The following MTRR variants were observed in gnomAD, a reference collection of about 807,000 sequenced individuals.
MTRR encodes methionine synthase reductase.
In MTRR, 63 loss-of-function variants were observed where a neutral mutation model predicts 79.2. That is an observed-to-expected ratio of 0.80 (90% confidence interval 0.65 to 0.98). The LOEUF (loss-of-function observed/expected upper bound fraction) is 0.98, where lower values mean the gene tolerates loss of function less well. Among genes scored for constraint, MTRR ranks in the 50% least tolerant of loss-of-function variants. MTRR has a pLI of 0.00. For synonymous variants in MTRR, 355 were observed against 313.3 expected, an observed-to-expected ratio of 1.13 and a Z score of -1.41; for missense variants, 895 against 839.6, an observed-to-expected ratio of 1.07 and a Z score of -0.82.
intron 11 of MTRR, among the ~76,000 whole-genome samples, chr5:7,894,710 C>G (rs1054277562): frequency 2.0e-5 from 3 of 152,208 alleles, no homozygotes; most frequent in Non-Finnish European, 4.4e-5. Flanking sequence ...TGTAATTTTG[C>G]TTCCTAAGAC....
intron 1 of MTRR, 35 bp downstream of exon 1, chr5:7,869,250 G>A (rs766330071): frequency 6.2e-7 from 1 of 1,600,102 alleles, no homozygotes; most frequent in East Asian, 2.2e-5. Flanking sequence ...CCCGGATTCC[G>A]GCCGCTCGCC....
Position 7,869,408 on chromosome 5 carries a change from C to A in MTRR, c.-26+193C>A, listed in dbSNP as rs573731946. ...CCTTTGGCCTTTGGCTTTGGTGTCC[C>A]CGGGAGCGTGTCCTTGGGCTCGGCG... On this transcript the variant is annotated intron_variant, in intron 1 of 14. Transcript: ENST00000440940. 1.3e-4 allele frequency: 81 copies of A among 621,032 alleles called. No homozygotes were observed. The South Asian group carries it at 1.6e-3, about 12-fold the overall frequency. 38.5% of individuals were successfully genotyped at this position (621,032 alleles called of 1,614,324 possible). A position where few individuals can be genotyped will look rare whatever the true frequency, so the allele number is the denominator to read the frequency against.
intron 6 of MTRR, among the ~76,000 whole-genome samples, chr5:7,884,568 G>A (rs1314646191): frequency 6.6e-6 from 1 of 152,056 alleles, no homozygotes; most frequent in African/African-American, 2.4e-5. Context: ...GATTCTGAGG[G>A]TGGAGAACCT....
intron 4 of MTRR, among the ~76,000 whole-genome samples, chr5:7,876,504 C>G (rs1734585347): frequency 6.6e-6 from 1 of 152,212 alleles, no homozygotes; most frequent in African/African-American, 2.4e-5. Flanking sequence ...TATTGAAATG[C>G]TTGACTGTAT....
chr5:7,878,741 T>C (rs1735005762), intron 5 of MTRR, among the ~76,000 whole-genome samples: 2 of 152,274 alleles, frequency 1.3e-5, no homozygotes, highest in Admixed American at 1.3e-4. Flanking sequence ...AGATGAGTTG[T>C]GTGGGCAGTG....
At chr5:7,871,070 T>C (rs1352814394) in intron 2 of MTRR, 147 bp downstream of exon 2, 3 of 964,218 alleles carry the variant, frequency 3.1e-6, no homozygotes, top group Non-Finnish European at 4.9e-6. Flanking sequence ...TATAGTAAGA[T>C]ATCACCAGCA....
upstream of MTRR, chr5:7,865,856 C>T: frequency 1.4e-6 from 2 of 1,439,826 alleles, no homozygotes; most frequent in Non-Finnish European, 9.8e-7. Context: ...AAGGAAACTG[C>T]ACCCATGGGG....
chr5:7,867,887 T>A, upstream of MTRR: 1 of 1,614,082 alleles, frequency 6.2e-7, no homozygotes, highest in Non-Finnish European at 8.5e-7. Flanking sequence ...ATTTTTCGAA[T>A]GAAACTTTTT....
rs774017420 is a variant in MTRR, at chr5:7,863,036, A to G, written n.498+979A>G. 5.8e-6 allele frequency: 9 copies of G among 1,544,756 alleles called. No homozygotes were observed. In the East Asian group the frequency reaches 1.8e-4, roughly 31 times the overall value. On this transcript the variant is annotated intron_variant and non_coding_transcript_variant, in intron 2 of 3. Coordinates refer to the MTRR transcript ENST00000502509. ...AGTGCAAATGTGAGAAAGAAAAATA[A>G]GATATAACAACAGAGAATAAATTGA... is the stretch of plus-strand genomic sequence containing the variant.
intron 5 of MTRR, among the ~76,000 whole-genome samples, chr5:7,881,866 T>A (rs1202569218): frequency 6.6e-6 from 1 of 152,206 alleles, no homozygotes; most frequent in Non-Finnish European, 1.5e-5. Flanking sequence ...TGCAAGGTGA[T>A]GCATTTGCTT....
intron 5 of MTRR, among the ~76,000 whole-genome samples, chr5:7,879,084 C>G (rs539066131): frequency 6.6e-6 from 1 of 152,186 alleles, no homozygotes; most frequent in Non-Finnish European, 1.5e-5. Flanking sequence ...TTTTTAGCAT[C>G]TTTTATAATG....
rs1256361353 is a variant in MTRR, at chr5:7,883,165, A to C, written c.791A>C (p.Gln264Pro). The change falls in exon 6 of 15, where the codon CAA (glutamine) becomes CCA (proline). Residue 264 changes from glutamine to proline, a missense_variant. Gln to Pro is a moderately conservative substitution (Grantham distance 76, BLOSUM62 -1). Coordinates refer to ENST00000440940, the MANE Select transcript of MTRR (RefSeq NM_002454.3). ...CATTTGTTTTTCAAGGAGGAAAGCCAAGTATCTGTGACTTCAGCAGATCCA... is the reference window on the plus strand; with the variant it reads ...CATTTGTTTTTCAAGGAGGAAAGCCCAGTATCTGTGACTTCAGCAGATCCA... The part of the protein sequence containing the change: ...LQESLGQEES[Q>P]VSVTSADPVF... 1.9e-6 allele frequency: 3 copies of C among 1,614,130 alleles called. No homozygotes were observed. Among genetic ancestry groups the C allele is most frequent in the Non-Finnish European group, 2.5e-6 (3 of 1,180,052 alleles).
chr5:7,899,526 TGGTTCCCTTCAGGAGCACGA>T (rs1739126237), intron 14 of MTRR, among the ~76,000 whole-genome samples: 4 of 152,224 alleles, frequency 2.6e-5, no homozygotes, highest in African/African-American at 9.6e-5. Flanking sequence ...GCGAGAGATC[TGGTTCCCTTCAGGAGCACGA>T]GTCTACTGTG....
At chr5:7,877,680 C>A (rs1422706073) in intron 4 of MTRR, among the ~76,000 whole-genome samples, 1 of 152,074 alleles carries the variant, frequency 6.6e-6, no homozygotes, top group Non-Finnish European at 1.5e-5. Context: ...TCCTGTCATC[C>A]TATTACTAGA....
chr5:7,870,242 T>C (rs1747701360), intron 1 of MTRR: 1 of 209,376 alleles, frequency 4.8e-6, no homozygotes, highest in Admixed American at 5.5e-5. Flanking sequence ...TTTAGTACTA[T>C]GATTAGTTTG....
In MTRR at chr5:7,861,526, G is replaced by A. The variant is rs1746534446; in HGVS notation, n.392-425G>A. 4.8e-6 allele frequency: 6 copies of A among 1,247,258 alleles called. No individual in the cohort carries two copies. The East Asian group carries it at 7.8e-5, about 16-fold the overall frequency. 77.3% of individuals were successfully genotyped at this position (1,247,258 alleles called of 1,614,324 possible). ...TTCACCTTCTTGAGAAAAAGATACC[G>A]CTGCTTATTAGCCTCAACGAGTCTT... On this transcript the variant is annotated intron_variant and non_coding_transcript_variant, in intron 1 of 3. Coordinates refer to the MTRR transcript ENST00000502509.
chr5:7,868,990 G>A (rs1271681320), upstream of MTRR: 5 of 939,308 alleles, frequency 5.3e-6, no homozygotes, highest in African/African-American at 6.4e-5. Flanking sequence ...GCGCTCTGCC[G>A]GGCAATCACT....
chr5:7,869,911 ATCGAGTACCAGTT>A, intron 1 of MTRR: 1 of 259,584 alleles, frequency 3.9e-6, no homozygotes, highest in Non-Finnish European at 6.0e-6. Flanking sequence ...CAGATAACTT[ATCGAGTACCAGTT>A]TCATGCCAGG....
upstream of MTRR, among the ~76,000 whole-genome samples, chr5:7,864,283 A>G (rs145120657): frequency 7.3e-4 from 111 of 152,356 alleles, 2 homozygotes; most frequent in East Asian, 0.019. Context: ...ATAAGTATAT[A>G]CAATTTTTGT....
Sources: gnomAD v4.1 joint callset for allele counts (sites outside exome capture counted in the v4.1 genomes callset) on GRCh38, gnomAD v4.1.1 for gene constraint, MANE v1.5 for transcripts, NCBI Gene and HGNC (gene_info 2026-07-23, HGNC 2026-07-21) for gene names.